The following MTA3 variants were observed in gnomAD, a reference collection of about 807,000 sequenced individuals.
MTA3 encodes metastasis-associated protein MTA3.
Under a neutral mutation model 83.5 loss-of-function variants are expected in MTA3, and 34 were observed. The ratio of observed to expected loss-of-function variants is 0.41; its 90% CI spans 0.31 to 0.54. The LOEUF (loss-of-function observed/expected upper bound fraction) is 0.54. MTA3 is among the 20% of genes least tolerant of loss of function. The pLI is 0.33. For synonymous variants in MTA3, 303 were observed against 252.7 expected (o/e 1.20, Z -1.89); for missense variants, 761 against 726.4 (o/e 1.05, Z -0.55).
chr2:42,661,974 T>C (rs1157238204), intron 8 of MTA3, among the ~76,000 whole-genome samples: 3 of 152,198 alleles, frequency 2.0e-5, no homozygotes, highest in Non-Finnish European at 2.9e-5. Context: ...CTGCTATGTA[T>C]GTAGTCTGTG....
chr2:42,667,621 A>AGAGAG (rs1690385863), intron 8 of MTA3, among the ~76,000 whole-genome samples: 8 of 114,072 alleles, frequency 7.0e-5, no homozygotes, highest in Admixed American at 1.8e-4. Context: ...TAGAGAGAGA[A>AGAGAG]AGAGAGAGAG....
chr2:42,744,897 T>C (rs1226085658), intron 16 of MTA3, among the ~76,000 whole-genome samples: 1 of 152,066 alleles, frequency 6.6e-6, no homozygotes, highest in East Asian at 1.9e-4. Flanking sequence ...CATGAAGAAG[T>C]GAGGAGAAGC....
At chr2:42,683,350 G>C (rs762730105) in intron 9 of MTA3, among the ~76,000 whole-genome samples, 1 of 152,176 alleles carries the variant, frequency 6.6e-6, no homozygotes, top group Non-Finnish European at 1.5e-5. Context: ...CACAGTAGGA[G>C]AATTTGTTTT....
At chr2:42,521,992 G>T (rs967122520) in intron 2 of MTA3, among the ~76,000 whole-genome samples, 2 of 152,090 alleles carry the variant, frequency 1.3e-5, no homozygotes, top group African/African-American at 4.8e-5. Flanking sequence ...GACCTCAGGT[G>T]ATCCACCTGC....
intron 4 of MTA3, among the ~76,000 whole-genome samples, chr2:42,634,631 C>T (rs1687011069): frequency 6.6e-6 from 1 of 152,104 alleles, no homozygotes; most frequent in Admixed American, 6.6e-5. Context: ...GGACACAGAG[C>T]CAAACCATAT....
chr2:42,711,775 A>AGTGTGTGCTTGTGTGTGT (rs372997456), intron 14 of MTA3, among the ~76,000 whole-genome samples: 1 of 139,410 alleles, frequency 7.2e-6, no homozygotes, highest in Non-Finnish European at 1.5e-5. Context: ...TGTATAGGAG[A>AGTGTGTGCTTGTGTGTGT]GAGAGAGAGT....
intron 2 of MTA3, among the ~76,000 whole-genome samples, 153 bp from the exon 3 acceptor site, chr2:42,578,954 T>A (rs146076115): frequency 6.6e-6 from 1 of 152,324 alleles, no homozygotes; most frequent in East Asian, 1.9e-4. Context: ...TCATCCTTAT[T>A]TGAATTTTTT....
intron 8 of MTA3, among the ~76,000 whole-genome samples, chr2:42,681,436 G>A (rs1467346170): frequency 1.3e-5 from 2 of 152,096 alleles, no homozygotes; most frequent in Non-Finnish European, 2.9e-5. Flanking sequence ...TACATAATCT[G>A]TATATTTTTC....
chr2:42,634,264 A>G (rs189785548), intron 4 of MTA3, among the ~76,000 whole-genome samples: 1 of 152,288 alleles, frequency 6.6e-6, no homozygotes, highest in East Asian at 1.9e-4. Context: ...AAATTTATGT[A>G]TTTTAATTAG....
intron 16 of MTA3, among the ~76,000 whole-genome samples, chr2:42,737,152 T>G (rs956018945): frequency 1.8e-4 from 27 of 152,304 alleles, no homozygotes; most frequent in African/African-American, 6.0e-4. Flanking sequence ...CTAGGTGATA[T>G]GCTCCCCAAG....
chr2:42,523,945 A>AT (rs1675546550), intron 2 of MTA3, among the ~76,000 whole-genome samples: 1 of 152,132 alleles, frequency 6.6e-6, no homozygotes, highest in South Asian at 2.1e-4. Flanking sequence ...AAATAAATAA[A>AT]AAAGGCAAGC....
chr2:42,623,538 G>A lies in MTA3; in HGVS notation c.317+13954G>A, dbSNP rs375474819. ...CAGCACAACAGGTGGCCACAGCAGG[G>A]GAAATGTTAGGACTTCCCTTTTCCT... On this transcript the variant is annotated intron_variant, in intron 4 of 16. Coordinates refer to ENST00000405094, the MANE Select transcript of MTA3 (RefSeq NM_001330442.2). Among the ~76,000 whole-genome samples the A allele has an allele frequency of 1.1e-4, 16 of 152,168 alleles. No homozygotes were observed. In the East Asian group the frequency reaches 2.9e-3, roughly 27 times the overall value.
chr2:42,709,721 A>G (rs972495346), intron 14 of MTA3, among the ~76,000 whole-genome samples: 2 of 152,222 alleles, frequency 1.3e-5, no homozygotes, highest in African/African-American at 2.4e-5. Flanking sequence ...GAAATTACAC[A>G]TTGCATTTTC....
chr2:42,575,202 GT>G (rs748411767), intron 2 of MTA3, among the ~76,000 whole-genome samples: 3 of 152,076 alleles, frequency 2.0e-5, no homozygotes, highest in Non-Finnish European at 4.4e-5. Context: ...TAGGAGGACC[GT>G]TTATTTGTGT....
At chr2:42,645,175 C>CAAAA (rs1224226672) in intron 6 of MTA3, among the ~76,000 whole-genome samples, 9 of 39,830 alleles carry the variant, frequency 2.3e-4, no homozygotes, top group Non-Finnish European at 3.2e-4. Context: ...GACTCTGTCT[C>CAAAA]AAAAAAAAAA....
intron 3 of MTA3, among the ~76,000 whole-genome samples, chr2:42,609,218 A>T (rs1257809590): frequency 6.6e-6 from 1 of 151,806 alleles, no homozygotes; most frequent in African/African-American, 2.4e-5. Flanking sequence ...TTTAGTAGAG[A>T]TGGGGTTTCG....
chr2:42,694,058 C>G (rs1693153703), intron 9 of MTA3, among the ~76,000 whole-genome samples: 1 of 152,130 alleles, frequency 6.6e-6, no homozygotes, highest in Non-Finnish European at 1.5e-5. Context: ...TGTATAGGAG[C>G]TAGGGCCTGG....
chr2:42,583,754 C>T (rs1210549966), intron 3 of MTA3, among the ~76,000 whole-genome samples: 1 of 151,856 alleles, frequency 6.6e-6, no homozygotes, highest in Non-Finnish European at 1.5e-5. Context: ...GTCTCCAACT[C>T]CTGGGCTCTC....
intron 2 of MTA3, among the ~76,000 whole-genome samples, chr2:42,521,551 AGTT>A (rs1177784479): frequency 6.6e-6 from 1 of 152,156 alleles, no homozygotes; most frequent in African/African-American, 2.4e-5. Context: ...AACTCAAACT[AGTT>A]GTAGTACAAT....
Sources: gnomAD v4.1 joint callset for allele counts (sites outside exome capture counted in the v4.1 genomes callset) on GRCh38, gnomAD v4.1.1 for gene constraint, MANE v1.5 for transcripts, NCBI Gene and HGNC (gene_info 2026-07-23, HGNC 2026-07-21) for gene names.